Variants in DIAPH3 observed in about 807,000 individuals in gnomAD.
The protein encoded by DIAPH3 is protein diaphanous homolog 3.
Under a neutral mutation model 144.3 loss-of-function variants are expected in DIAPH3, and 117 were observed. The observed-to-expected ratio is 0.81, with a 90% CI of 0.70 to 0.95. The LOEUF (loss-of-function observed/expected upper bound fraction) is 0.95, where lower values mean the gene tolerates loss of function less well. Among genes scored for constraint, DIAPH3 ranks in the 40% least tolerant of loss-of-function variants. The pLI is 0.00. For synonymous variants in DIAPH3, 519 were observed against 488.9 expected (o/e 1.06, Z -0.81); for missense variants, 1,421 against 1,412.7 (o/e 1.01, Z -0.09).
At chr13:59,711,082 A>G (rs2034709289) in intron 27 of DIAPH3, among the ~76,000 whole-genome samples, 1 of 152,200 alleles carries the variant, frequency 6.6e-6, no homozygotes, top group Admixed American at 6.5e-5. Flanking sequence ...CCTTAAATTG[A>G]CTTTATGAAA....
chr13:59,809,286 G>A (rs1199100483), intron 25 of DIAPH3, among the ~76,000 whole-genome samples: 2 of 152,160 alleles, frequency 1.3e-5, no homozygotes, highest in African/African-American at 4.8e-5. Flanking sequence ...TGGGTCACCT[G>A]AGGTCAGGAG....
intron 27 of DIAPH3, among the ~76,000 whole-genome samples, chr13:59,766,719 G>A (rs894552424): frequency 1.1e-4 from 16 of 151,456 alleles, no homozygotes; most frequent in Non-Finnish European, 2.2e-4. Context: ...AACATAATAT[G>A]CTCATTAAAT....
chr13:60,022,327 A>G (rs1370258255), intron 5 of DIAPH3, among the ~76,000 whole-genome samples: 1 of 152,162 alleles, frequency 6.6e-6, no homozygotes, highest in African/African-American at 2.4e-5. Flanking sequence ...CTTGTTCTCA[A>G]TCTATCTTAG....
chr13:59,971,651 T>G (rs2050386556), intron 15 of DIAPH3, among the ~76,000 whole-genome samples: 1 of 152,230 alleles, frequency 6.6e-6, no homozygotes, highest in Non-Finnish European at 1.5e-5. Context: ...ATCATGACTT[T>G]GCTCAAATCT....
intron 2 of DIAPH3, among the ~76,000 whole-genome samples, chr13:60,119,778 A>G (rs2058798784): frequency 6.7e-6 from 1 of 148,896 alleles, no homozygotes; most frequent in African/African-American, 2.5e-5. Context: ...AAAAGAAATG[A>G]TAAATCTTTG....
chr13:59,788,111 T>C (rs1254912612), intron 25 of DIAPH3, among the ~76,000 whole-genome samples: 1 of 152,226 alleles, frequency 6.6e-6, no homozygotes, highest in African/African-American at 2.4e-5. Context: ...AACCATGCTT[T>C]AGATGTGATA....
chr13:59,898,134 C>CAAAA (rs34238599), intron 20 of DIAPH3, among the ~76,000 whole-genome samples: 72 of 72,154 alleles, frequency 1.0e-3, no homozygotes, highest in Non-Finnish European at 1.2e-3. Flanking sequence ...GACTCTGCCT[C>CAAAA]AAAAAAAAAA....
At chr13:59,706,242 A>G (rs902821748) in intron 27 of DIAPH3, among the ~76,000 whole-genome samples, 3 of 152,152 alleles carry the variant, frequency 2.0e-5, no homozygotes, top group Non-Finnish European at 2.9e-5. Flanking sequence ...GTACAGAGGC[A>G]ATTTTTGAGT....
chr13:59,836,122 G>T (rs1224353107), intron 23 of DIAPH3, among the ~76,000 whole-genome samples: 1 of 151,802 alleles, frequency 6.6e-6, no homozygotes, highest in African/African-American at 2.4e-5. Context: ...AAAGACTCAG[G>T]AGAGGGAGTA....
At chr13:59,773,777 T>G (rs1465343160) in intron 27 of DIAPH3, among the ~76,000 whole-genome samples, 4 of 142,172 alleles carry the variant, frequency 2.8e-5, no homozygotes, top group Non-Finnish European at 1.6e-5. Context: ...AAAATGCCAG[T>G]TAAGGTATTT....
intron 12 of DIAPH3, among the ~76,000 whole-genome samples, chr13:59,986,727 CTCA>C (rs2051410231): frequency 6.8e-6 from 1 of 147,922 alleles, no homozygotes. Context: ...TGAAAAAATG[CTCA>C]TCATCACTGG....
At chr13:60,163,410 G>T (rs554691883) in intron 1 of DIAPH3, among the ~76,000 whole-genome samples, 177 bp downstream of exon 1, 1 of 152,312 alleles carries the variant, frequency 6.6e-6, no homozygotes, top group South Asian at 2.1e-4. Flanking sequence ...ACAAAGATCT[G>T]GGCATTTGTC....
chr13:59,834,828 G>A (rs2041960783), intron 23 of DIAPH3, among the ~76,000 whole-genome samples: 1 of 151,528 alleles, frequency 6.6e-6, no homozygotes, highest in African/African-American at 2.4e-5. Context: ...TGATGTTTTG[G>A]GAAATCTATT....
chr13:60,026,884 C>A (rs2054415223), intron 5 of DIAPH3, among the ~76,000 whole-genome samples: 1 of 152,096 alleles, frequency 6.6e-6, no homozygotes, highest in Admixed American at 6.6e-5. Flanking sequence ...AAAGAATAAT[C>A]TTACATGAAT....
chr13:59,991,112 G>C, intron 12 of DIAPH3, 46 bp downstream of exon 12: 6 of 1,229,142 alleles, frequency 4.9e-6, no homozygotes, highest in Non-Finnish European at 7.1e-6. Flanking sequence ...ACAATTAATA[G>C]ATTTTTATTA....
chr13:59,726,963 C>G (rs1347775342), intron 27 of DIAPH3, among the ~76,000 whole-genome samples: 1 of 152,122 alleles, frequency 6.6e-6, no homozygotes, highest in Non-Finnish European at 1.5e-5. Flanking sequence ...AAAGCCTTTT[C>G]ATATAAATTA....
At chr13:60,022,530 G>C (rs939818068) in intron 5 of DIAPH3, among the ~76,000 whole-genome samples, 1 of 152,106 alleles carries the variant, frequency 6.6e-6, no homozygotes, top group Non-Finnish European at 1.5e-5. Context: ...GTGTCAGCAG[G>C]GCTGCTGCCT....
intron 25 of DIAPH3, among the ~76,000 whole-genome samples, chr13:59,804,233 T>C (rs2040081713): frequency 6.6e-6 from 1 of 152,296 alleles, no homozygotes; most frequent in South Asian, 2.1e-4. Flanking sequence ...CCACTGATTA[T>C]GTTACCAAAG....
intron 4 of DIAPH3, among the ~76,000 whole-genome samples, chr13:60,043,592 G>A (rs1272339838): frequency 6.6e-6 from 1 of 152,192 alleles, no homozygotes; most frequent in African/African-American, 2.4e-5. Context: ...TATGCAATTA[G>A]CTCTCCTGGG....
Sources: allele counts gnomAD v4.1 joint callset (sites outside exome capture counted in the v4.1 genomes callset), GRCh38; gene constraint gnomAD v4.1.1; transcripts MANE v1.5; gene names NCBI Gene and HGNC (gene_info 2026-07-23, HGNC 2026-07-21).